Variants in GRID2 observed in about 807,000 individuals in gnomAD.
GRID2 encodes glutamate ionotropic receptor delta type subunit 2, also known as glutamate receptor ionotropic, delta-2.
Under a neutral mutation model 114.8 loss-of-function variants are expected in GRID2, and 33 were observed. The observed-to-expected ratio is 0.29, with a 90% confidence interval of 0.22 to 0.38. The LOEUF is 0.38. Ranked by LOEUF, GRID2 falls within the 10% of genes least tolerant of loss-of-function variation. The pLI, the probability that GRID2 is intolerant of heterozygous loss-of-function variation, is 1.00. For synonymous variants in GRID2, 505 were observed against 449.9 expected, an observed-to-expected ratio of 1.12 and a Z score of -1.55; for missense variants, 1,184 against 1,257.7, an observed-to-expected ratio of 0.94 and a Z score of 0.89.
chr4:92,914,025 A>T (rs1748589492), intron 2 of GRID2, among the ~76,000 whole-genome samples: 1 of 152,154 alleles, frequency 6.6e-6, no homozygotes, highest in Non-Finnish European at 1.5e-5. Flanking sequence ...TTGGTCCAAA[A>T]TATATTGTAG....
chr4:92,539,562 G>T, intron 1 of GRID2, among the ~76,000 whole-genome samples: 2 of 150,458 alleles, frequency 1.3e-5, no homozygotes. Flanking sequence ...TTTCTCTATT[G>T]GATTATTTAC....
At chr4:93,579,928 A>G (rs1020543866) in intron 13 of GRID2, among the ~76,000 whole-genome samples, 20 of 152,324 alleles carry the variant, frequency 1.3e-4, no homozygotes, top group Non-Finnish European at 8.8e-5. Context: ...GAAGATGTGC[A>G]TGCATCTGTC....
intron 4 of GRID2, among the ~76,000 whole-genome samples, chr4:93,142,660 C>T (rs1454341001): frequency 6.6e-6 from 1 of 152,152 alleles, no homozygotes; most frequent in Non-Finnish European, 1.5e-5. Flanking sequence ...ATAACACAGT[C>T]ATTTCTGGTC....
intron 2 of GRID2, among the ~76,000 whole-genome samples, chr4:93,076,125 T>TCTC (rs1729271212): frequency 6.6e-6 from 1 of 152,004 alleles, no homozygotes; most frequent in South Asian, 2.1e-4. Flanking sequence ...ATGGTCTCGA[T>TCTC]CTGACCTAGT....
chr4:93,727,479 A>G (rs1413217138), intron 14 of GRID2, among the ~76,000 whole-genome samples: 4 of 152,306 alleles, frequency 2.6e-5, no homozygotes, highest in African/African-American at 4.8e-5. Flanking sequence ...AGGCTTTGGT[A>G]TCAGGATGAT....
At chr4:93,128,557 C>T (rs1286345474) in intron 4 of GRID2, among the ~76,000 whole-genome samples, 5 of 152,122 alleles carry the variant, frequency 3.3e-5, no homozygotes, top group Admixed American at 3.3e-4. Flanking sequence ...CTAAGAGATC[C>T]AATTTGTCAA....
intron 12 of GRID2, among the ~76,000 whole-genome samples, chr4:93,506,763 C>G (rs982289824): frequency 1.3e-5 from 2 of 152,144 alleles, no homozygotes; most frequent in South Asian, 4.1e-4. Flanking sequence ...TCTCCATTTC[C>G]CAAAATGGAG....
intron 2 of GRID2, among the ~76,000 whole-genome samples, chr4:92,739,962 A>G (rs901336713): frequency 2.6e-5 from 4 of 152,206 alleles, no homozygotes; most frequent in East Asian, 1.9e-4. Context: ...AAGGGAATCC[A>G]TAATCTCATT....
intron 14 of GRID2, among the ~76,000 whole-genome samples, chr4:93,651,465 T>C (rs1351763692): frequency 6.6e-6 from 1 of 152,152 alleles, no homozygotes; most frequent in African/African-American, 2.4e-5. Flanking sequence ...TATCTTTGAA[T>C]CCTTAAGCTT....
At position 92,400,488 on chromosome 4, in the gene GRID2, T is replaced by C. The variant is rs543043439; in HGVS notation, c.88+95744T>C. On this transcript the variant is annotated intron_variant, in intron 1 of 15. Coordinates refer to ENST00000282020, the MANE Select transcript of GRID2 (RefSeq NM_001510.4). ...ATCCCATTATATGGCCATACCACTA[T>C]TTGTTTATCTACTCATCAAGTGTTG... Among the ~76,000 whole-genome samples the C allele has an allele frequency of 4.6e-5, 7 of 152,310 alleles. No homozygotes were observed. In the East Asian group the frequency reaches 1.4e-3, roughly 29 times the overall value.
At chr4:93,539,284 C>T (rs1356772570) in intron 13 of GRID2, among the ~76,000 whole-genome samples, 1 of 151,928 alleles carries the variant, frequency 6.6e-6, no homozygotes, top group African/African-American at 2.4e-5. Context: ...ACAGCTGACC[C>T]ATTTAACAAA....
At chr4:93,537,651 A>G (rs58114279) in intron 13 of GRID2, among the ~76,000 whole-genome samples, 2,251 of 151,934 alleles carry the variant, frequency 0.015, 50 homozygotes, top group African/African-American at 0.05. Context: ...TTTGATTGAA[A>G]GGAAATTGCA....
chr4:92,990,715 A>C (rs552456850), intron 2 of GRID2, among the ~76,000 whole-genome samples: 2 of 152,170 alleles, frequency 1.3e-5, no homozygotes, highest in African/African-American at 4.8e-5. Flanking sequence ...TGAAGAAAAA[A>C]AAATGAAGTC....
At chr4:93,351,367 A>T (rs937302868) in intron 8 of GRID2, among the ~76,000 whole-genome samples, 1 of 152,056 alleles carries the variant, frequency 6.6e-6, no homozygotes, top group African/African-American at 2.4e-5. Context: ...TCTGATCCAC[A>T]GCTTTGCAGA....
At chr4:92,339,017 A>G (rs1727336264) in intron 1 of GRID2, among the ~76,000 whole-genome samples, 1 of 152,078 alleles carries the variant, frequency 6.6e-6, no homozygotes, top group Non-Finnish European at 1.5e-5. Context: ...TAGGTGTGAA[A>G]TACTCTAATT....
chr4:93,222,703 A>G (rs548332843), intron 6 of GRID2, among the ~76,000 whole-genome samples: 158 of 152,086 alleles, frequency 1.0e-3, no homozygotes, highest in African/African-American at 3.3e-3. Context: ...CCTATGAGTG[A>G]GAACATGCGG....
chr4:93,621,846 A>T (rs1742239867), intron 13 of GRID2, among the ~76,000 whole-genome samples: 1 of 152,196 alleles, frequency 6.6e-6, no homozygotes, highest in African/African-American at 2.4e-5. Flanking sequence ...TTAAAAATCC[A>T]TTCATAATTC....
intron 2 of GRID2, among the ~76,000 whole-genome samples, chr4:93,048,196 T>C (rs1432671932): frequency 1.3e-5 from 2 of 152,088 alleles, no homozygotes; most frequent in Non-Finnish European, 2.9e-5. Context: ...TCATGTCAGA[T>C]TTCAGCATCT....
intron 7 of GRID2, among the ~76,000 whole-genome samples, chr4:93,232,208 T>A (rs1353495571): frequency 6.6e-6 from 1 of 152,154 alleles, no homozygotes; most frequent in Non-Finnish European, 1.5e-5. Flanking sequence ...CACCTTTACC[T>A]CTTTTATTTA....
Sources: gnomAD v4.1 joint callset for allele counts (sites outside exome capture counted in the v4.1 genomes callset) on GRCh38, gnomAD v4.1.1 for gene constraint, MANE v1.5 for transcripts, NCBI Gene and HGNC (gene_info 2026-07-23, HGNC 2026-07-21) for gene names.